ANKRD22: variants seen among roughly 807,000 people sequenced by gnomAD.
ANKRD22 encodes ankyrin repeat domain 22.
In ANKRD22, 24 loss-of-function variants were observed where a neutral mutation model predicts 25.7. That is an observed-to-expected ratio of 0.93 (90% CI 0.68 to 1.31). ANKRD22 has a LOEUF of 1.31. Among genes scored for constraint, ANKRD22 ranks in the 50% most tolerant of loss-of-function variants. The pLI is 0.00. For missense variants in ANKRD22, 214 were observed against 227.1 expected (o/e 0.94, Z 0.37); for synonymous variants, 84 against 84.3 (o/e 1.00, Z 0.02).
intron 1 of ANKRD22, among the ~76,000 whole-genome samples, chr10:88,839,572 A>G (rs1843985586): frequency 6.6e-6 from 1 of 152,150 alleles, no homozygotes; most frequent in Admixed American, 6.6e-5. Context: ...TGCAGCAGGA[A>G]ATATACAGAA....
In ANKRD22 at chr10:88,846,773, G is replaced by A. The variant is rs151095087; in HGVS notation, c.21+4814C>T. On this transcript the variant is annotated intron_variant, in intron 1 of 5. Transcript: ENST00000371930. ...CCTTGGTATCCTGATTGCCCACAAG[G>A]CCTGTCTCATCGGCTGAAGTCAGTG... 2.6e-5 allele frequency among the ~76,000 whole-genome samples: 4 copies of A among 152,192 alleles called. No homozygotes were observed. In the East Asian group the frequency reaches 5.8e-4, roughly 22 times the overall value.
chr10:88,840,973 C>T (rs188350086), intron 1 of ANKRD22, among the ~76,000 whole-genome samples: 12 of 152,192 alleles, frequency 7.9e-5, no homozygotes, highest in Non-Finnish European at 1.3e-4. Flanking sequence ...CTGGCTGGAA[C>T]GTGTAGAGAA....
rs80336990 is a variant in ANKRD22 at position 88,841,431 on chromosome 10, G to T, written c.22-9405C>A. ...TGTGGTCTTCTTCCATTTCATTGGT[G>T]TAACCACTCCCACCTGGCTAGTTTC... On this transcript the variant is annotated intron_variant, in intron 1 of 5. Transcript: ENST00000371930. 1.6e-4 allele frequency among the ~76,000 whole-genome samples: 24 copies of T among 152,244 alleles called. No homozygotes were observed. In the East Asian group the frequency reaches 2.7e-3, roughly 17 times the overall value.
Position 88,820,261 on chromosome 10 carries a change from T to A in ANKRD22, c.*2680A>T. ...CTCCTGTAAGGTACAGAGTCAGAGA[T>A]ATGACGGTCCCTACAGCAATGTGGA... is the stretch of plus-strand genomic sequence containing the variant. On this transcript the variant is annotated 3_prime_UTR_variant, in exon 6 of 6. Coordinates refer to ENST00000371930, the MANE Select transcript of ANKRD22 (RefSeq NM_144590.3). The A allele has an allele frequency of 6.4e-7, 1 of 1,551,740 alleles. No individual in the cohort carries two copies. The highest frequency in any genetic ancestry group is 8.7e-7 in the Non-Finnish European group (1 of 1,147,022).
At chr10:88,834,906 G>T (rs528973989) in intron 1 of ANKRD22, among the ~76,000 whole-genome samples, 1 of 152,110 alleles carries the variant, frequency 6.6e-6, no homozygotes, top group South Asian at 2.1e-4. Flanking sequence ...TCCAGCCTGG[G>T]CGACACAGCG....
intron 2 of ANKRD22, among the ~76,000 whole-genome samples, chr10:88,829,134 A>G (rs1843882744): frequency 6.6e-6 from 1 of 152,238 alleles, no homozygotes; most frequent in South Asian, 2.1e-4. Context: ...GAATGCATAT[A>G]ACTCAATTTT....
chr10:88,845,824 C>A (rs1844042607), intron 1 of ANKRD22, among the ~76,000 whole-genome samples: 1 of 152,112 alleles, frequency 6.6e-6, no homozygotes, highest in Non-Finnish European at 1.5e-5. Context: ...TTTTTAAACC[C>A]TAATGGTCAT....
intron 1 of ANKRD22, among the ~76,000 whole-genome samples, chr10:88,846,758 C>T (rs1340744032): frequency 1.3e-5 from 2 of 152,104 alleles, no homozygotes; most frequent in Non-Finnish European, 1.5e-5. Flanking sequence ...CCTTGGTATC[C>T]TGATTGCCCA....
In ANKRD22 at chr10:88,821,554, T is replaced by C. The variant is rs1843794815; in HGVS notation, c.*1387A>G. 6.6e-6 allele frequency among the ~76,000 whole-genome samples: 1 copy of C among 152,228 alleles called. No individual in the cohort carries two copies. On this transcript the variant is annotated 3_prime_UTR_variant, in exon 6 of 6. Transcript: ENST00000371930. The stretch of plus-strand genomic sequence containing the variant: ...TTTTTTGTCCCCAAGGGTCACCTGG[T>C]AGCTCAGCTCAATGCCAGTGAATCT...
chr10:88,833,023 A>G (rs141263903), intron 1 of ANKRD22, among the ~76,000 whole-genome samples: 502 of 152,262 alleles, frequency 3.3e-3, no homozygotes, highest in Non-Finnish European at 5.7e-3. Flanking sequence ...TACTCCCAAC[A>G]TTCAGTATCT....
At chr10:88,837,895 G>T (rs1843968800) in intron 1 of ANKRD22, among the ~76,000 whole-genome samples, 1 of 152,180 alleles carries the variant, frequency 6.6e-6, no homozygotes, top group Non-Finnish European at 1.5e-5. Context: ...TTTGCCTTTT[G>T]CCAGATTGTG....
Position 88,821,526 on chromosome 10 carries a change from G to C in ANKRD22, c.*1415C>G, listed in dbSNP as rs780697807. ...ACTGGTGTGTGAAATTCACTTGTGT[G>C]GGTTTTTTGTCCCCAAGGGTCACCT... On this transcript the variant is annotated 3_prime_UTR_variant, in exon 6 of 6. Transcript: ENST00000371930. Among the ~76,000 whole-genome samples, 5 of 152,178 alleles carry C rather than the reference G, an allele frequency of 3.3e-5. No homozygotes were observed. Among genetic ancestry groups the C allele is most frequent in the Non-Finnish European group, 7.4e-5 (5 of 68,024 alleles).
chr10:88,836,333 A>G (rs1037453810), intron 1 of ANKRD22, among the ~76,000 whole-genome samples: 6 of 152,240 alleles, frequency 3.9e-5, no homozygotes, highest in African/African-American at 1.4e-4. Context: ...GGCACATGGT[A>G]GGCATTCAAT....
intron 1 of ANKRD22, among the ~76,000 whole-genome samples, chr10:88,837,129 A>G (rs1386629776): frequency 6.6e-6 from 1 of 152,220 alleles, no homozygotes; most frequent in Non-Finnish European, 1.5e-5. Flanking sequence ...AAGTGGTTAC[A>G]AATCCAGGCT....
chr10:88,839,261 A>G (rs1843982703), intron 1 of ANKRD22, among the ~76,000 whole-genome samples: 1 of 152,198 alleles, frequency 6.6e-6, no homozygotes, highest in Non-Finnish European at 1.5e-5. Flanking sequence ...TCTCTCTCAC[A>G]TAATCTTGTT....
Position 88,843,110 on chromosome 10 carries a change from A to C in ANKRD22, c.21+8477T>G, listed in dbSNP as rs144937256. Among the ~76,000 whole-genome samples the C allele has an allele frequency of 6.1e-3, 931 of 151,916 alleles. 10 individuals are homozygous for C. The highest frequency in any genetic ancestry group is 0.021 in the African/African-American group (859 of 41,422). ...GCAGCTCTGAAGCCACTGTTTCTTG[A>C]CCTCATCTTCATTTACTTTTCTCAA... On this transcript the variant is annotated intron_variant, in intron 1 of 5. Transcript: ENST00000371930.
At chr10:88,836,975 A>C (rs549095827) in intron 1 of ANKRD22, among the ~76,000 whole-genome samples, 1 of 152,336 alleles carries the variant, frequency 6.6e-6, no homozygotes, top group African/African-American at 2.4e-5. Context: ...CACATTGTCT[A>C]TGAAGAATTA....
In ANKRD22 at chr10:88,823,278, A is replaced by C. The variant is rs140950275; in HGVS notation, c.498+2T>G. 4 of 1,609,466 alleles carry C rather than the reference A, an allele frequency of 2.5e-6. No individual in the cohort carries two copies. The African/African-American group carries it at 5.4e-5, about 22-fold the overall frequency. ...CTCAGACCACGGTCCACCCTCCCTT[A>C]CCTTATTCTTTATTGTGGGGTCTGC... is the stretch of plus-strand genomic sequence containing the variant. On this transcript the variant is annotated splice_donor_variant, in intron 5 of 5. Transcript: ENST00000371930. LOFTEE classifies it high-confidence loss of function.
chr10:88,849,172 T>C (rs2133084322), intron 1 of ANKRD22, among the ~76,000 whole-genome samples: 1 of 152,280 alleles, frequency 6.6e-6, no homozygotes, highest in Admixed American at 6.5e-5. Context: ...CTGTAAAAGA[T>C]TCTTTAAGTC....
Sources: allele counts gnomAD v4.1 joint callset (sites outside exome capture counted in the v4.1 genomes callset), GRCh38; gene constraint gnomAD v4.1.1; transcripts MANE v1.5; gene names NCBI Gene and HGNC (gene_info 2026-07-23, HGNC 2026-07-21).